Variants in LEKR1 observed in about 807,000 individuals in gnomAD.
LEKR1 encodes the protein protein LEKR1.
A neutral mutation model predicts 72.4 loss-of-function variants in LEKR1; 59 were observed. The ratio of observed to expected loss-of-function variants is 0.82; its 90% CI spans 0.66 to 1.01. The LOEUF is 1.01. LEKR1 is among the 50% of genes least tolerant of loss of function. The pLI, the probability that LEKR1 is intolerant of heterozygous loss-of-function variation, is 0.00. For synonymous variants in LEKR1, 257 were observed against 263.2 expected (o/e 0.98, Z 0.23); for missense variants, 728 against 759.2 (o/e 0.96, Z 0.48).
chr3:156,899,269 C>CATATATATATAT (rs1312063056), intron 3 of LEKR1, among the ~76,000 whole-genome samples: 1 of 146,064 alleles, frequency 6.8e-6, no homozygotes, highest in African/African-American at 2.5e-5. Flanking sequence ...TATATATACA[C>CATATATATATAT]ACATGTATAT....
At chr3:156,888,310 A>C (rs1720308345) in intron 3 of LEKR1, 1 of 702,144 alleles carries the variant, frequency 1.4e-6, no homozygotes, top group African/African-American at 1.7e-5. Flanking sequence ...AATATACTTC[A>C]GACTCATGCT....
intron 4 of LEKR1, 59 bp downstream of exon 4, chr3:156,920,753 G>A (rs1035077581): frequency 1.7e-5 from 16 of 925,272 alleles, no homozygotes; most frequent in Non-Finnish European, 2.3e-5. Context: ...TACTAACTTT[G>A]TAAATAGCCA....
chr3:156,906,773 G>A lies in LEKR1; in HGVS notation c.264-13802G>A, dbSNP rs181669082. 4.6e-5 allele frequency among the ~76,000 whole-genome samples: 7 copies of A among 152,260 alleles called. No individual in the cohort carries two copies. The East Asian group carries it at 1.3e-3, about 29-fold the overall frequency. On this transcript the variant is annotated intron_variant, in intron 3 of 12. Coordinates refer to ENST00000356539, the MANE Select transcript of LEKR1 (RefSeq NM_001004316.3). ...CTCAGAGAGTTTAGTTAGATGGCTT[G>A]AGAAGCTATTTGTATGTAACATTCA...
At chr3:156,881,538 G>A (rs1159736194) in intron 3 of LEKR1, among the ~76,000 whole-genome samples, 1 of 151,150 alleles carries the variant, frequency 6.6e-6, no homozygotes, top group African/African-American at 2.4e-5. Context: ...ATGCTCATGG[G>A]TAGGAAGAAT....
chr3:156,958,888 C>T (rs992722884), intron 6 of LEKR1, among the ~76,000 whole-genome samples: 3 of 152,158 alleles, frequency 2.0e-5, no homozygotes, highest in African/African-American at 7.2e-5. Flanking sequence ...CAATTATGTT[C>T]CCATTCAAAT....
chr3:156,910,307 A>T (rs191753832), intron 3 of LEKR1, among the ~76,000 whole-genome samples: 2 of 152,260 alleles, frequency 1.3e-5, no homozygotes, highest in Admixed American at 6.5e-5. Context: ...TTTCTCTAGC[A>T]GTCTCCAGTG....
intron 3 of LEKR1, among the ~76,000 whole-genome samples, chr3:156,863,815 A>G (rs1717024278): frequency 6.6e-6 from 1 of 152,196 alleles, no homozygotes; most frequent in Admixed American, 6.6e-5. Context: ...AGAGACTGTC[A>G]TTGGAGGCAC....
chr3:156,986,250 TGAG>T (rs1312048805), intron 7 of LEKR1, among the ~76,000 whole-genome samples: 3 of 152,208 alleles, frequency 2.0e-5, no homozygotes, highest in Non-Finnish European at 4.4e-5. Flanking sequence ...GAAGAGTTTC[TGAG>T]GAGTTTGGAT....
chr3:157,013,342 C>A (rs138467591), intron 10 of LEKR1, among the ~76,000 whole-genome samples: 1 of 152,206 alleles, frequency 6.6e-6, no homozygotes, highest in Non-Finnish European at 1.5e-5. Flanking sequence ...TGTTTATGAT[C>A]CCCTCTAGTA....
At chr3:156,882,957 A>C (rs9810194) in intron 3 of LEKR1, among the ~76,000 whole-genome samples, 1 of 151,244 alleles carries the variant, frequency 6.6e-6, no homozygotes, top group South Asian at 2.1e-4. Flanking sequence ...AACAATGAGA[A>C]CACATGGACA....
rs893504493 is a variant in LEKR1 at position 156,855,359 on chromosome 3, T to C, written c.263+2377T>C. Among the ~76,000 whole-genome samples the C allele has an allele frequency of 2.6e-5, 4 of 152,276 alleles. No individual in the cohort carries two copies. The East Asian group carries it at 7.7e-4, about 29-fold the overall frequency. On this transcript the variant is annotated intron_variant, in intron 3 of 12. Transcript: ENST00000356539. ...CTCTTGAGTGAAAAATGTTACCTCG[T>C]GGTTATTTAATTAGTATTTGTTTTT...
rs553869775 is a variant in LEKR1 at position 157,018,460 on chromosome 3, C to T, written c.1204-6300C>T. ...GTCTCAATAAGTTTAAAAGGATTCA[C>T]ATCATACAAATATTTTCTCTGACCA... On this transcript the variant is annotated intron_variant, in intron 10 of 12. Coordinates refer to ENST00000356539, the MANE Select transcript of LEKR1 (RefSeq NM_001004316.3). Among the ~76,000 whole-genome samples, 7 of 152,276 alleles carry T rather than the reference C, an allele frequency of 4.6e-5. 1 individual carries two copies. Among genetic ancestry groups the T allele is most frequent in the African/African-American group, 1.7e-4 (7 of 41,550 alleles).
At chr3:156,933,636 G>T (rs916957738) in intron 5 of LEKR1, among the ~76,000 whole-genome samples, 1 of 152,062 alleles carries the variant, frequency 6.6e-6, no homozygotes, top group African/African-American at 2.4e-5. Context: ...AATCATACTA[G>T]AATTGGAGAG....
chr3:157,016,938 C>T (rs1273371411), intron 10 of LEKR1, among the ~76,000 whole-genome samples: 1 of 151,812 alleles, frequency 6.6e-6, no homozygotes, highest in African/African-American at 2.4e-5. Flanking sequence ...TTTAAAATAG[C>T]AATCCTAAAG....
At chr3:156,920,273 T>TTGTGA (rs1309586354) in intron 3 of LEKR1, among the ~76,000 whole-genome samples, 1 of 152,112 alleles carries the variant, frequency 6.6e-6, no homozygotes, top group Non-Finnish European at 1.5e-5. Flanking sequence ...ATATTTTTAG[T>TTGTGA]TGTGATTAAT....
chr3:157,044,223 C>T (rs1158339670), intron 12 of LEKR1, among the ~76,000 whole-genome samples: 1 of 152,174 alleles, frequency 6.6e-6, no homozygotes, highest in Admixed American at 6.5e-5. Context: ...CTATAGCACA[C>T]TCATTTTACT....
chr3:156,849,751 A>C (rs1715105334), intron 2 of LEKR1, among the ~76,000 whole-genome samples: 1 of 152,214 alleles, frequency 6.6e-6, no homozygotes, highest in Non-Finnish European at 1.5e-5. Context: ...TTATACAAAA[A>C]TTAATTCAAG....
At chr3:157,008,130 C>A (rs2108020562) in intron 9 of LEKR1, among the ~76,000 whole-genome samples, 1 of 152,336 alleles carries the variant, frequency 6.6e-6, no homozygotes, top group Non-Finnish European at 1.5e-5. Context: ...ATCAAGCCTG[C>A]TGGGTCTGCC....
chr3:157,040,449 T>C lies in LEKR1; in HGVS notation c.1669-4891T>C, dbSNP rs375699709. ...CAACCAGCCTGACATCCATCTTACTTGTTTCCTGGAAATCTTTTCAGATTC... is the reference window on the plus strand; with the variant it reads ...CAACCAGCCTGACATCCATCTTACTCGTTTCCTGGAAATCTTTTCAGATTC... On this transcript the variant is annotated intron_variant, in intron 12 of 12. Coordinates refer to ENST00000356539, the MANE Select transcript of LEKR1 (RefSeq NM_001004316.3). Among the ~76,000 whole-genome samples, 37 of 152,342 alleles carry C rather than the reference T, an allele frequency of 2.4e-4. 1 individual carries two copies. The highest frequency in any genetic ancestry group is 6.8e-3 in the Middle Eastern group (2 of 294).
Sources: gnomAD v4.1 joint callset for allele counts (sites outside exome capture counted in the v4.1 genomes callset) on GRCh38, gnomAD v4.1.1 for gene constraint, MANE v1.5 for transcripts, NCBI Gene and HGNC (gene_info 2026-07-23, HGNC 2026-07-21) for gene names.